Variants in ITPKC observed in about 807,000 individuals in gnomAD.
The protein encoded by ITPKC is inositol-trisphosphate 3-kinase C.
Under a neutral mutation model 67.1 loss-of-function variants are expected in ITPKC, and 33 were observed. The observed-to-expected ratio is 0.49, with a 90% CI of 0.37 to 0.66. The LOEUF (loss-of-function observed/expected upper bound fraction) is 0.66. Ranked by LOEUF, ITPKC falls within the 30% of genes least tolerant of loss-of-function variation. The probability of loss-of-function intolerance (pLI) is 0.00; values close to 1 mark genes in which losing one functional copy is unlikely to be tolerated. For missense variants in ITPKC, 820 were observed against 892.1 expected (o/e 0.92, Z 1.03); for synonymous variants, 341 against 359.8 (o/e 0.95, Z 0.59).
intron 2 of ITPKC, 69 bp downstream of exon 2, chr19:40,725,508 G>C (rs1568448994): frequency 1.9e-6 from 2 of 1,072,488 alleles, no homozygotes; most frequent in Admixed American, 1.7e-5. Flanking sequence ...GTTCTCTGTA[G>C]TTTAGTTCCC....
intron 4 of ITPKC, among the ~76,000 whole-genome samples, chr19:40,735,878 C>G (rs140727501): frequency 6.6e-6 from 1 of 152,194 alleles, no homozygotes; most frequent in Non-Finnish European, 1.5e-5. Context: ...ATCCTACACA[C>G]CTGGTTTCCT....
intron 2 of ITPKC, among the ~76,000 whole-genome samples, chr19:40,728,008 G>A (rs1432482796): frequency 6.6e-6 from 1 of 152,154 alleles, no homozygotes; most frequent in East Asian, 1.9e-4. Context: ...TATACTCCTT[G>A]ATGGGAAAAT....
At chr19:40,738,063 G>A (rs2082303316) in intron 6 of ITPKC, among the ~76,000 whole-genome samples, 3 of 151,936 alleles carry the variant, frequency 2.0e-5, no homozygotes, top group Non-Finnish European at 4.4e-5. Context: ...GGAGGCTGAG[G>A]CGGGCGGATC....
rs756845705 is a variant in ITPKC, at chr19:40,717,605, A to G, written c.470A>G (p.Gln157Arg). ...TDPHRSDLQF[Q>R]PEEASPWTQP... Reference sequence around the variant, plus strand: ...CCGCACAGGTCCGACCTCCAGTTTCAGCCCGAGGAGGCCAGCCCCTGGACA... The same window carrying G: ...CCGCACAGGTCCGACCTCCAGTTTCGGCCCGAGGAGGCCAGCCCCTGGACA... The change falls in exon 1 of 7, where the codon CAG becomes CGG. Residue 157 changes from glutamine to arginine, a missense_variant. Coordinates refer to ENST00000263370, the MANE Select transcript of ITPKC (RefSeq NM_025194.3). 2 of 1,614,156 alleles carry G rather than the reference A, an allele frequency of 1.2e-6. No homozygotes were observed. Among genetic ancestry groups the G allele is most frequent in the Middle Eastern group, 1.6e-4 (1 of 6,062 alleles).
rs374744209 is a variant in ITPKC, at chr19:40,718,265, C to T, written c.1130C>T (p.Ala377Val). Residue 377 changes from alanine (A) to valine (V), a missense_variant, in exon 1 of 7, where the codon GCC becomes GTC. Transcript: ENST00000263370. Reference sequence around the variant, plus strand: ...GACGTGGTGGCCGGGGGCGGAGGTGCCAGCGATCCCGAGGACAGGTCTGGG... The same window carrying T: ...GACGTGGTGGCCGGGGGCGGAGGTGTCAGCGATCCCGAGGACAGGTCTGGG... ...EDDVVAGGGG[A>V]SDPEDRSGSK... 3 of 1,518,826 alleles carry T rather than the reference C, an allele frequency of 2.0e-6. No homozygotes were observed. Among genetic ancestry groups the T allele is most frequent in the African/African-American group, 2.8e-5 (2 of 71,914 alleles). The allele number at this position is 1,518,826 out of a possible 1,614,324, so 94.1% of individuals were successfully genotyped here. A position where few individuals can be genotyped will look rare whatever the true frequency, so the allele number is the denominator to read the frequency against.
chr19:40,739,271 G>A, intron 6 of ITPKC, 86 bp from the exon 7 acceptor site: 1 of 968,094 alleles, frequency 1.0e-6, no homozygotes, highest in South Asian at 1.6e-5. Flanking sequence ...GGTTCATGCT[G>A]TCAATCACCC....
chr19:40,725,299 C>T (rs2082241467), intron 1 of ITPKC, 41 bp from the exon 2 acceptor site: 1 of 1,376,676 alleles, frequency 7.3e-7, no homozygotes, highest in Non-Finnish European at 1.0e-6. Flanking sequence ...CCTGCCTTCC[C>T]TGGCCTTGGC....
At position 40,717,314 on chromosome 19, in the gene ITPKC, C is replaced by A. The variant is rs769746242; in HGVS notation, c.179C>A (p.Ala60Asp). ...AGRPEGGGPW[A>D]RTEGSSLHSE... is the part of the protein sequence containing the mutation. ...CGGCCGGAGGGGGGCGGGCCCTGGG[C>A]CCGGACAGAGGGGTCCAGCCTCCAC... The change falls in exon 1 of 7, where the codon GCC becomes GAC. Residue 60 changes from alanine to aspartate, a missense_variant. Transcript: ENST00000263370. 6.4e-7 allele frequency: 1 copy of A among 1,572,404 alleles called. No homozygotes were observed. Among genetic ancestry groups the A allele is most frequent in the South Asian group, 1.1e-5 (1 of 87,666 alleles).
In ITPKC at chr19:40,739,791, A is replaced by G. The variant is rs2082315441; in HGVS notation, c.*231A>G. On this transcript the variant is annotated 3_prime_UTR_variant, in exon 7 of 7. Coordinates refer to ENST00000263370, the MANE Select transcript of ITPKC (RefSeq NM_025194.3). ...GTTTTGGGGACCTGGAAGGAAGGTGATGAGGCAGTGAGTCAGAAAAACCAG... is the reference window on the plus strand; with the variant it reads ...GTTTTGGGGACCTGGAAGGAAGGTGGTGAGGCAGTGAGTCAGAAAAACCAG... 2 of 568,300 alleles carry G rather than the reference A, an allele frequency of 3.5e-6. No individual in the cohort carries two copies. Among genetic ancestry groups the G allele is most frequent in the African/African-American group, 1.9e-5 (1 of 53,274 alleles). The allele number at this position is 568,300 out of a possible 1,614,324, so 35.2% of individuals were successfully genotyped here.
Position 40,718,125 on chromosome 19 carries a change from C to T in ITPKC, c.990C>T (p.Leu330=), listed in dbSNP as rs765268749. ...GCCCCCTGTGCCCTGTGCCCCGCCT[C>T]ATCATTACCCCTGAGACCCCTGAGC... is the stretch of plus-strand genomic sequence containing the variant. The part of the protein sequence containing the change: ...KCSPLCPVPR[L]IITPETPEPE... Residue 330 remains leucine (L), a synonymous_variant, in exon 1 of 7, where the codon CTC becomes CTT. Transcript: ENST00000263370. 4 of 1,611,312 alleles carry T rather than the reference C, an allele frequency of 2.5e-6. No homozygotes were observed. In the Middle Eastern group the frequency reaches 5.0e-4, roughly 199 times the overall value.
chr19:40,731,565 C>G (rs939206711), intron 3 of ITPKC, among the ~76,000 whole-genome samples: 1 of 146,936 alleles, frequency 6.8e-6, no homozygotes, highest in African/African-American at 2.5e-5. Flanking sequence ...ACAGGGTCAG[C>G]TATCTGGAAG....
rs76877448 is a variant in ITPKC, at chr19:40,737,666, A to C, written c.1777-32A>C. ...GTGGGCAAGGCCCCACAAAGTCCCC[A>C]TGCTAACCAAAGAACGCTCCCTGTC... is the stretch of plus-strand genomic sequence containing the variant. On this transcript the variant is annotated intron_variant, in intron 5 of 6. Coordinates refer to ENST00000263370, the MANE Select transcript of ITPKC (RefSeq NM_025194.3). The C allele has an allele frequency of 4.4e-3, 7,016 of 1,606,348 alleles. 223 individuals carry two copies. The African/African-American group carries it at 0.076, about 17-fold the overall frequency.
chr19:40,737,866 A>T, intron 6 of ITPKC, 97 bp downstream of exon 6: 1 of 1,083,932 alleles, frequency 9.2e-7, no homozygotes, highest in Non-Finnish European at 1.4e-6. Flanking sequence ...AGATATAAAA[A>T]GGGGCTGGGC....
chr19:40,738,084 G>A (rs889710954), intron 6 of ITPKC, among the ~76,000 whole-genome samples: 1 of 151,530 alleles, frequency 6.6e-6, no homozygotes, highest in Non-Finnish European at 1.5e-5. Context: ...ACTTGAGGTC[G>A]GGAGTTTGAG....
At chr19:40,719,231 G>C (rs1056133033) in intron 1 of ITPKC, among the ~76,000 whole-genome samples, 1 of 152,160 alleles carries the variant, frequency 6.6e-6, no homozygotes, top group African/African-American at 2.4e-5. Context: ...TGTGGCCCTA[G>C]CTGTGAGAGA....
chr19:40,734,767 C>T lies in ITPKC; in HGVS notation c.1674+1403C>T, dbSNP rs550518525. On this transcript the variant is annotated intron_variant, in intron 4 of 6. Transcript: ENST00000263370. ...GTGATTACTGGCACGCACTACCATGCCTGGCTAATTGTTGTTTTTTTTTTT... is the reference window on the plus strand; with the variant it reads ...GTGATTACTGGCACGCACTACCATGTCTGGCTAATTGTTGTTTTTTTTTTT... Among the ~76,000 whole-genome samples, 29 of 145,836 alleles carry T rather than the reference C, an allele frequency of 2.0e-4. No homozygotes were observed. The East Asian group carries it at 5.2e-3, about 26-fold the overall frequency.
chr19:40,725,289 C>T, intron 1 of ITPKC, 51 bp from the exon 2 acceptor site: 2 of 1,225,558 alleles, frequency 1.6e-6, no homozygotes, highest in South Asian at 1.2e-5. Context: ...ACCTCTAGCC[C>T]CTGCCTTCCC....
intron 2 of ITPKC, among the ~76,000 whole-genome samples, chr19:40,728,977 G>A (rs1274651524): frequency 1.3e-5 from 2 of 152,038 alleles, no homozygotes; most frequent in East Asian, 1.9e-4. Context: ...GCAGTGAGCC[G>A]AGATCGCACC....
intron 3 of ITPKC, among the ~76,000 whole-genome samples, chr19:40,732,387 G>A (rs2082275174): frequency 6.6e-6 from 1 of 150,440 alleles, no homozygotes; most frequent in East Asian, 2.0e-4. Flanking sequence ...AAAATTATCC[G>A]GGTGTGGTGG....
Sources: gnomAD v4.1 joint callset for allele counts (sites outside exome capture counted in the v4.1 genomes callset) on GRCh38, gnomAD v4.1.1 for gene constraint, MANE v1.5 for transcripts, NCBI Gene and HGNC (gene_info 2026-07-23, HGNC 2026-07-21) for gene names.